Variants in SPATA13 observed in about 807,000 individuals in gnomAD.
The protein encoded by SPATA13 is spermatogenesis-associated protein 13.
SPATA13 carries 50 observed loss-of-function variants against 104.0 expected under a neutral mutation model. That is an observed-to-expected ratio of 0.48 (90% CI 0.38 to 0.61). The LOEUF is 0.61. SPATA13 is among the 20% of genes least tolerant of loss of function. SPATA13 has a pLI of 0.00. For synonymous variants in SPATA13, 606 were observed against 667.5 expected (o/e 0.91, Z 1.42); for missense variants, 1,524 against 1,690.6 (o/e 0.90, Z 1.73).
chr13:24,080,215 G>A (rs1026275488), intron 3 of SPATA13, among the ~76,000 whole-genome samples: 7 of 152,130 alleles, frequency 4.6e-5, no homozygotes, highest in Non-Finnish European at 8.8e-5. Context: ...TCACATGACC[G>A]TATGTCAAAA....
At chr13:24,199,381 A>G (rs749538836) in intron 1 of SPATA13, among the ~76,000 whole-genome samples, 2 of 152,216 alleles carry the variant, frequency 1.3e-5, no homozygotes, top group Non-Finnish European at 2.9e-5. Flanking sequence ...ATGAAAAACA[A>G]TCTCATTCTA....
At chr13:24,218,647 CA>C (rs1207618201) in intron 1 of SPATA13, among the ~76,000 whole-genome samples, 1 of 151,876 alleles carries the variant, frequency 6.6e-6, no homozygotes, top group Non-Finnish European at 1.5e-5. Flanking sequence ...GCATGTGGCC[CA>C]GGGAAGCTTT....
chr13:24,146,226 G>A (rs749967942), intron 3 of SPATA13, among the ~76,000 whole-genome samples: 1 of 152,214 alleles, frequency 6.6e-6, no homozygotes, highest in Non-Finnish European at 1.5e-5. Context: ...GGCAAAGCCA[G>A]CCTAATTCAT....
Position 24,202,684 on chromosome 13 carries a change from A to G in SPATA13, c.-111-20135A>G, listed in dbSNP as rs181495119. On this transcript the variant is annotated intron_variant, in intron 1 of 12. Transcript: ENST00000382108. The stretch of plus-strand genomic sequence containing the variant: ...GGGAATCTTGCAAAATACAGACGGA[A>G]GAGAGTGAGAACTGTCTTATTAGAT... 1.2e-3 allele frequency among the ~76,000 whole-genome samples: 178 copies of G among 151,812 alleles called. 3 individuals carry two copies. Among genetic ancestry groups the G allele is most frequent in the African/African-American group, 3.9e-3 (162 of 41,356 alleles).
chr13:24,097,049 G>C (rs1880107980), intron 3 of SPATA13, among the ~76,000 whole-genome samples: 1 of 152,222 alleles, frequency 6.6e-6, no homozygotes, highest in Admixed American at 6.5e-5. Flanking sequence ...AATTCGAGGA[G>C]AAACAGCGTT....
intron 1 of SPATA13, among the ~76,000 whole-genome samples, chr13:24,178,260 C>T (rs1487609273): frequency 6.6e-6 from 1 of 152,214 alleles, no homozygotes; most frequent in African/African-American, 2.4e-5. Flanking sequence ...CCAGAAGCCA[C>T]TGCTTGCCAC....
chr13:24,008,335 A>G (rs1876321469), intron 2 of SPATA13, among the ~76,000 whole-genome samples: 1 of 152,166 alleles, frequency 6.6e-6, no homozygotes, highest in Non-Finnish European at 1.5e-5. Flanking sequence ...AGAGAAAGAG[A>G]ACACCTGCAA....
intron 3 of SPATA13, among the ~76,000 whole-genome samples, chr13:24,128,565 C>T (rs765952721): frequency 9.2e-4 from 140 of 152,154 alleles, no homozygotes; most frequent in Non-Finnish European, 1.5e-3. Context: ...GCCTGTCTTT[C>T]GGCATCCCAA....
At chr13:24,117,844 A>G (rs1160989193) in intron 3 of SPATA13, among the ~76,000 whole-genome samples, 2 of 152,188 alleles carry the variant, frequency 1.3e-5, no homozygotes, top group Non-Finnish European at 2.9e-5. Context: ...TTTTTTGTTT[A>G]TATTCTTTAA....
At position 24,223,819 on chromosome 13, in the gene SPATA13, C is replaced by T. The variant is rs1384299609; in HGVS notation, c.890C>T (p.Ser297Phe). The change falls in exon 2 of 13, where the codon TCC becomes TTC. Residue 297 changes from serine to phenylalanine, a missense_variant. Ser to Phe is a radical substitution (Grantham distance 155). Transcript: ENST00000382108. ...ACCCTGAGCAGTTCCTCCACTGACTCCCAAAAGCTTGGGTCAGGAAGGACC... is the reference window on the plus strand; with the variant it reads ...ACCCTGAGCAGTTCCTCCACTGACTTCCAAAAGCTTGGGTCAGGAAGGACC... Reference protein sequence around the residue: ...QRTLSSSSTDSQKLGSGRTKR... With the variant: ...QRTLSSSSTDFQKLGSGRTKR... 6.4e-7 allele frequency: 1 copy of T among 1,551,644 alleles called. No individual in the cohort carries two copies. Among genetic ancestry groups the T allele is most frequent in the Non-Finnish European group, 8.7e-7 (1 of 1,147,020 alleles).
chr13:24,282,580 C>T (rs1566190901), intron 4 of SPATA13, among the ~76,000 whole-genome samples: 2 of 152,224 alleles, frequency 1.3e-5, no homozygotes, highest in East Asian at 3.9e-4. Context: ...GCCATTTCCT[C>T]GGGCAGCTCT....
intron 3 of SPATA13, among the ~76,000 whole-genome samples, chr13:24,066,723 A>G (rs563902922): frequency 1.3e-5 from 2 of 152,054 alleles, no homozygotes; most frequent in East Asian, 3.9e-4. Context: ...TCTTTCAAAC[A>G]AGACTCTGCT....
In SPATA13 at chr13:24,286,278, A is replaced by G. The variant is rs781549486; in HGVS notation, c.2366A>G (p.Gln789Arg). The G allele has an allele frequency of 6.2e-7, 1 of 1,613,956 alleles. No homozygotes were observed. The highest frequency in any genetic ancestry group is 1.7e-5 in the Admixed American group (1 of 60,006). Residue 789 changes from glutamine to arginine, a missense_variant, in exon 6 of 13, where the codon CAG (glutamine) becomes CGG (arginine). Gln to Arg is a conservative substitution (Grantham distance 43). This residue lies in a region of SPATA13 where 1,089 missense variants were observed against 1,135.9 expected (regional missense o/e 0.96). Transcript: ENST00000382108. The surrounding 1 kb of genome is among the most constrained non-coding windows in gnomAD (Gnocchi z 4.9). Reference sequence around the variant, plus strand: ...TGGGACCATGTGACCATGGATGACCAGGAACTGGGCTTCAAAGCCGGGGAT... The same window carrying G: ...TGGGACCATGTGACCATGGATGACCGGGAACTGGGCTTCAAAGCCGGGGAT... Reference protein sequence around the residue: ...ALWDHVTMDDQELGFKAGDVI... With the variant: ...ALWDHVTMDDRELGFKAGDVI...
At chr13:24,297,131 T>C (rs1308218795) in intron 10 of SPATA13, among the ~76,000 whole-genome samples, 2 of 152,106 alleles carry the variant, frequency 1.3e-5, no homozygotes, top group African/African-American at 4.8e-5. Flanking sequence ...CTCAAACTCC[T>C]GGGCTCAGGG....
At chr13:24,054,637 TA>T (rs1198711202) in intron 3 of SPATA13, among the ~76,000 whole-genome samples, 1 of 152,176 alleles carries the variant, frequency 6.6e-6, no homozygotes, top group Non-Finnish European at 1.5e-5. Flanking sequence ...AATAGAACTC[TA>T]AAGAGTACAG....
chr13:24,256,206 C>T (rs1873780440), intron 4 of SPATA13, among the ~76,000 whole-genome samples: 1 of 152,172 alleles, frequency 6.6e-6, no homozygotes, highest in African/African-American at 2.4e-5. Context: ...GTCAAGTATT[C>T]TCAAAATCTT....
In SPATA13 at chr13:24,011,898, C is replaced by G. The variant is rs561243126; in HGVS notation, c.-146-5769C>G. On this transcript the variant is annotated intron_variant, in intron 2 of 14. Coordinates refer to the SPATA13 transcript ENST00000424834. The surrounding 1 kb of genome is among the most constrained non-coding windows in gnomAD (Gnocchi z 4.3). Reference sequence around the variant, plus strand: ...GATCCCACAGACCCAGAATGCTCAGCCTTCTTCTTTAAACTTGCAGCGGAG... The same window carrying G: ...GATCCCACAGACCCAGAATGCTCAGGCTTCTTCTTTAAACTTGCAGCGGAG... Among the ~76,000 whole-genome samples, 100 of 152,164 alleles carry G rather than the reference C, an allele frequency of 6.6e-4. No individual in the cohort carries two copies. The highest frequency in any genetic ancestry group is 2.3e-3 in the African/African-American group (94 of 41,576).
chr13:24,180,885 T>C (rs1005326506), intron 1 of SPATA13, among the ~76,000 whole-genome samples: 5 of 152,216 alleles, frequency 3.3e-5, no homozygotes, highest in African/African-American at 1.2e-4. Flanking sequence ...ATTTCATCTC[T>C]GTGCGAACAT....
chr13:24,282,580 CG>C (rs140845094), intron 4 of SPATA13, among the ~76,000 whole-genome samples: 25,050 of 152,172 alleles, frequency 0.16, 2,263 homozygotes, highest in Admixed American at 0.26. Flanking sequence ...GCCATTTCCT[CG>C]GGCAGCTCTT....
Sources: allele counts gnomAD v4.1 joint callset (sites outside exome capture counted in the v4.1 genomes callset), GRCh38; gene constraint gnomAD v4.1.1; regional missense constraint gnomAD v4.1.1; non-coding constraint Gnocchi (gnomAD v3.1); transcripts MANE v1.5; gene names NCBI Gene and HGNC (gene_info 2026-07-23, HGNC 2026-07-21).